The following IFT74 variants were observed in gnomAD, a reference collection of about 807,000 sequenced individuals.
The protein encoded by IFT74 is intraflagellar transport 74.
Under a neutral mutation model 96.7 loss-of-function variants are expected in IFT74, and 92 were observed. That is an observed-to-expected ratio of 0.95 (90% CI 0.80 to 1.13). The LOEUF (loss-of-function observed/expected upper bound fraction) is 1.13. Among genes scored for constraint, IFT74 ranks in the 50% most tolerant of loss-of-function variants. The pLI is 0.00. For synonymous variants in IFT74, 223 were observed against 213.2 expected, an observed-to-expected ratio of 1.05 and a Z score of -0.40; for missense variants, 811 against 698.2, an observed-to-expected ratio of 1.16 and a Z score of -1.82.
intron 2 of IFT74, among the ~76,000 whole-genome samples, chr9:26,971,300 G>GT (rs755925780): frequency 9.2e-5 from 14 of 151,878 alleles, no homozygotes; most frequent in South Asian, 2.1e-4. Flanking sequence ...TTGCTTATTA[G>GT]TTTTTTTTAT....
At chr9:27,030,823 C>G (rs1020489633) in intron 13 of IFT74, among the ~76,000 whole-genome samples, 3 of 152,088 alleles carry the variant, frequency 2.0e-5, no homozygotes, top group Non-Finnish European at 4.4e-5. Context: ...AATATTGGCT[C>G]TGTATAAGCA....
At chr9:26,985,889 A>G (rs1055423357) in intron 6 of IFT74, among the ~76,000 whole-genome samples, 14 of 152,188 alleles carry the variant, frequency 9.2e-5, no homozygotes, top group East Asian at 3.9e-4. Context: ...TACTCGAAAT[A>G]TTGTGTACAT....
At chr9:27,042,008 C>G (rs905338639) in intron 13 of IFT74, among the ~76,000 whole-genome samples, 1 of 152,064 alleles carries the variant, frequency 6.6e-6, no homozygotes, top group Non-Finnish European at 1.5e-5. Context: ...AGGAGGATGA[C>G]TTTTAGGAGA....
chr9:27,028,985 T>C (rs1268186948), intron 12 of IFT74, 40 bp from the exon 13 acceptor site: 1 of 1,515,322 alleles, frequency 6.6e-7, no homozygotes, highest in Non-Finnish European at 9.0e-7. Context: ...ATTGAATGTC[T>C]ATATTTCCTT....
At chr9:26,962,943 T>G (rs1277656477) in intron 2 of IFT74, among the ~76,000 whole-genome samples, 1 of 151,772 alleles carries the variant, frequency 6.6e-6, no homozygotes, top group Non-Finnish European at 1.5e-5. Flanking sequence ...TTTTTTTCTT[T>G]TTTTCTTTTT....
Position 26,960,405 on chromosome 9 carries a change from A to G in IFT74, c.-19-1544A>G, listed in dbSNP as rs61242705. Reference sequence around the variant, plus strand: ...ATTTTTATATTGTAGCCCAGTAAACACATATGTGTAAATTTATGTAAATAT... The same window carrying G: ...ATTTTTATATTGTAGCCCAGTAAACGCATATGTGTAAATTTATGTAAATAT... On this transcript the variant is annotated intron_variant, in intron 1 of 19. Coordinates refer to ENST00000380062, the MANE Select transcript of IFT74 (RefSeq NM_025103.4). Among the ~76,000 whole-genome samples, 865 of 152,342 alleles carry G rather than the reference A, an allele frequency of 5.7e-3. 10 individuals are homozygous for G. The highest frequency in any genetic ancestry group is 0.02 in the African/African-American group (811 of 41,570).
At chr9:26,981,406 C>T (rs932326003) in intron 4 of IFT74, among the ~76,000 whole-genome samples, 2 of 151,438 alleles carry the variant, frequency 1.3e-5, no homozygotes, top group Non-Finnish European at 2.9e-5. Context: ...GCTACCACCA[C>T]ACCTGGCCTC....
At chr9:27,001,436 G>C (rs1828482712) in intron 8 of IFT74, among the ~76,000 whole-genome samples, 1 of 152,026 alleles carries the variant, frequency 6.6e-6, no homozygotes, top group Non-Finnish European at 1.5e-5. Flanking sequence ...AGTGTATGAG[G>C]GTTCCCCTTT....
At position 26,995,298 on chromosome 9, in the gene IFT74, G is replaced by A. The variant is rs748480165; in HGVS notation, c.587+5103G>A. 574 of 426,874 alleles carry A rather than the reference G, an allele frequency of 1.3e-3. 2 individuals carry two copies. Among genetic ancestry groups the A allele is most frequent in the Non-Finnish European group, 1.5e-3 (352 of 235,164 alleles). The allele number at this position is 426,874 out of a possible 1,614,324, so 26.4% of individuals were successfully genotyped here. A position where few individuals can be genotyped will look rare whatever the true frequency, so the allele number is the denominator to read the frequency against. The stretch of plus-strand genomic sequence containing the variant: ...AGCACTGCTAAGAATAGTAGTGCTA[G>A]TATTGTAGACTATGTAACTGTCAAC... On this transcript the variant is annotated intron_variant, in intron 8 of 19. Transcript: ENST00000380062.
chr9:26,984,486 T>A lies in IFT74; in HGVS notation c.405-13T>A. 6.2e-7 allele frequency: 1 copy of A among 1,608,634 alleles called. No homozygotes were observed. On this transcript the variant is annotated splice_polypyrimidine_tract_variant and intron_variant, in intron 5 of 19. Coordinates refer to ENST00000380062, the MANE Select transcript of IFT74 (RefSeq NM_025103.4). ...TGTACATATTTATGAATGTATTTAT[T>A]TTATGCTTTCAGGGCTGAGACTTTA...
chr9:26,978,112 CTTGT>C lies in IFT74; in HGVS notation c.121-11_121-8del. ...TTTTCTGGTTTACTAAAAATGAAAT[CTTGT>C]TTGTCATTTAGATGCCACCTGGGAC... On this transcript the variant is annotated splice_polypyrimidine_tract_variant and intron_variant, in intron 2 of 19. Transcript: ENST00000380062. 1 of 1,553,978 alleles carries C rather than the reference CTTGT, an allele frequency of 6.4e-7. No homozygotes were observed. The highest frequency in any genetic ancestry group is 1.2e-5 in the South Asian group (1 of 80,832).
intron 1 of IFT74, among the ~76,000 whole-genome samples, chr9:26,961,378 C>T (rs1369606626): frequency 1.3e-5 from 2 of 152,212 alleles, no homozygotes; most frequent in African/African-American, 4.8e-5. Flanking sequence ...GCGTTTGCCA[C>T]TGCGCCTGGC....
chr9:26,987,194 C>A (rs190885547), intron 6 of IFT74, among the ~76,000 whole-genome samples: 1 of 151,964 alleles, frequency 6.6e-6, no homozygotes, highest in African/African-American at 2.4e-5. Context: ...GGATTACAGG[C>A]GCTTGCCACC....
intron 18 of IFT74, among the ~76,000 whole-genome samples, chr9:27,056,911 T>A (rs1820190595): frequency 6.7e-6 from 1 of 149,590 alleles, no homozygotes; most frequent in Non-Finnish European, 1.5e-5. Flanking sequence ...TAGATATGTG[T>A]ATACACATAT....
chr9:26,977,467 T>G (rs1396486971), intron 2 of IFT74, among the ~76,000 whole-genome samples: 2 of 152,188 alleles, frequency 1.3e-5, no homozygotes, highest in African/African-American at 2.4e-5. Flanking sequence ...AATACCATCT[T>G]GTAAACTGCC....
intron 12 of IFT74, among the ~76,000 whole-genome samples, chr9:27,024,844 A>G (rs1829781897): frequency 6.6e-6 from 1 of 152,000 alleles, no homozygotes; most frequent in Non-Finnish European, 1.5e-5. Context: ...GAAATGAAAG[A>G]CACACTTTGA....
chr9:26,986,525 C>T (rs1399451495), intron 6 of IFT74, among the ~76,000 whole-genome samples: 1 of 151,964 alleles, frequency 6.6e-6, no homozygotes, highest in Non-Finnish European at 1.5e-5. Flanking sequence ...CCTTGTTGCC[C>T]ATACTGGTCT....
At chr9:27,017,962 T>A (rs1421350929) in intron 11 of IFT74, among the ~76,000 whole-genome samples, 1 of 152,148 alleles carries the variant, frequency 6.6e-6, no homozygotes, top group Non-Finnish European at 1.5e-5. Flanking sequence ...TCAAGCCCAG[T>A]GCATTTAGAA....
chr9:26,996,338 A>C, intron 8 of IFT74: 1 of 1,601,118 alleles, frequency 6.2e-7, no homozygotes, highest in East Asian at 2.2e-5. Context: ...TTGTTCGAAG[A>C]GCTATTAAAT....
Sources: gnomAD v4.1 joint callset for allele counts (sites outside exome capture counted in the v4.1 genomes callset) on GRCh38, gnomAD v4.1.1 for gene constraint, MANE v1.5 for transcripts, NCBI Gene and HGNC (gene_info 2026-07-23, HGNC 2026-07-21) for gene names.